Variants in PBX1 observed in about 807,000 individuals in gnomAD.
The protein encoded by PBX1 is PBX homeobox 1.
In PBX1, 6 loss-of-function variants were observed where a neutral mutation model predicts 53.4. The ratio of observed to expected loss-of-function variants is 0.11; its 90% CI spans 0.06 to 0.22. The LOEUF (loss-of-function observed/expected upper bound fraction) is 0.22, where lower values mean the gene tolerates loss of function less well. Ranked by LOEUF, PBX1 falls within the 10% of genes least tolerant of loss-of-function variation. The pLI, the probability that PBX1 is intolerant of heterozygous loss-of-function variation, is 1.00. For synonymous variants in PBX1, 204 were observed against 212.3 expected, an observed-to-expected ratio of 0.96 and a Z score of 0.34; for missense variants, 251 against 551.4, an observed-to-expected ratio of 0.46 and a Z score of 5.46.
At chr1:164,600,297 G>A (rs1656074254) in intron 2 of PBX1, among the ~76,000 whole-genome samples, 1 of 147,366 alleles carries the variant, frequency 6.8e-6, no homozygotes, top group Non-Finnish European at 1.5e-5. Flanking sequence ...TGTCGCCCAG[G>A]CTGGAGTGCA....
chr1:164,763,387 A>T (rs1666905889), intron 2 of PBX1, among the ~76,000 whole-genome samples: 1 of 152,244 alleles, frequency 6.6e-6, no homozygotes, highest in African/African-American at 2.4e-5. Flanking sequence ...CTGTAGACTT[A>T]TTCCTTTTAA....
chr1:164,740,356 T>C (rs1455914920), intron 2 of PBX1, among the ~76,000 whole-genome samples: 2 of 150,794 alleles, frequency 1.3e-5, no homozygotes, highest in African/African-American at 4.9e-5. Flanking sequence ...TAAATTATAG[T>C]ATGGAAAAAA....
intron 2 of PBX1, among the ~76,000 whole-genome samples, chr1:164,631,951 A>G (rs1003246937): frequency 2.0e-5 from 3 of 152,214 alleles, no homozygotes; most frequent in East Asian, 1.9e-4. Context: ...GCAGCACTCA[A>G]TAACACCCCT....
At chr1:164,591,342 G>C (rs1487836189) in intron 2 of PBX1, among the ~76,000 whole-genome samples, 1 of 152,058 alleles carries the variant, frequency 6.6e-6, no homozygotes, top group African/African-American at 2.4e-5. Flanking sequence ...AAAGAGTTCT[G>C]TTCACAAAAA....
At chr1:164,772,495 T>C (rs1422765563) in intron 2 of PBX1, among the ~76,000 whole-genome samples, 3 of 152,212 alleles carry the variant, frequency 2.0e-5, no homozygotes, top group Non-Finnish European at 4.4e-5. Flanking sequence ...AAGTGGCCCA[T>C]TTTACAGATG....
intron 2 of PBX1, among the ~76,000 whole-genome samples, chr1:164,634,960 T>C (rs59738429): frequency 6.6e-6 from 1 of 152,216 alleles, no homozygotes; most frequent in African/African-American, 2.4e-5. Flanking sequence ...CCATGTTGCC[T>C]GCCTGTAGAG....
intron 2 of PBX1, among the ~76,000 whole-genome samples, chr1:164,698,826 A>C (rs1662938558): frequency 6.6e-6 from 1 of 152,294 alleles, no homozygotes; most frequent in South Asian, 2.1e-4. Context: ...TCAAGCATTC[A>C]CTCAGGTAAT....
At chr1:164,731,375 C>T (rs984293179) in intron 2 of PBX1, among the ~76,000 whole-genome samples, 3 of 151,970 alleles carry the variant, frequency 2.0e-5, no homozygotes, top group African/African-American at 4.8e-5. Flanking sequence ...TGATGAGGTC[C>T]CTGCTATTTA....
chr1:164,721,449 G>A (rs756824790), intron 2 of PBX1, among the ~76,000 whole-genome samples: 43 of 151,470 alleles, frequency 2.8e-4, no homozygotes, highest in Non-Finnish European at 5.3e-4. Flanking sequence ...GTGTGTGTGT[G>A]TATTTTCTTA....
At chr1:164,885,331 T>C (rs1448198234) in intron 2 of PBX1, among the ~76,000 whole-genome samples, 1 of 152,174 alleles carries the variant, frequency 6.6e-6, no homozygotes, top group Non-Finnish European at 1.5e-5. Flanking sequence ...GATAAAGTTA[T>C]ACCAAGTCCA....
intron 2 of PBX1, among the ~76,000 whole-genome samples, chr1:164,571,873 G>GTGTGTA (rs1252010429): frequency 3.3e-4 from 10 of 29,898 alleles, no homozygotes; most frequent in Non-Finnish European, 5.4e-4. Context: ...TCTGTACATT[G>GTGTGTA]TATATATATA....
chr1:164,699,973 C>A (rs1036911068), intron 2 of PBX1, among the ~76,000 whole-genome samples: 2 of 152,000 alleles, frequency 1.3e-5, no homozygotes, highest in Non-Finnish European at 2.9e-5. Flanking sequence ...GAAATAGAGG[C>A]GAAGGAGGGG....
At chr1:164,711,761 A>C (rs1571267447) in intron 2 of PBX1, among the ~76,000 whole-genome samples, 1 of 152,200 alleles carries the variant, frequency 6.6e-6, no homozygotes, top group African/African-American at 2.4e-5. Flanking sequence ...ATATGTGTAC[A>C]TGTGGAAGGC....
intron 2 of PBX1, among the ~76,000 whole-genome samples, chr1:164,858,689 A>G (rs1672029482): frequency 6.6e-6 from 1 of 152,204 alleles, no homozygotes; most frequent in African/African-American, 2.4e-5. Context: ...GAATAAATGA[A>G]TGAAGAATTG....
intron 2 of PBX1, among the ~76,000 whole-genome samples, chr1:164,724,917 T>C (rs888906832): frequency 1.3e-5 from 2 of 152,072 alleles, no homozygotes; most frequent in Non-Finnish European, 2.9e-5. Context: ...TGTTTTACAA[T>C]GTACTCTGCA....
intron 2 of PBX1, among the ~76,000 whole-genome samples, chr1:164,571,873 GTATATATATATATA>G (rs59338120): frequency 0.043 from 1,297 of 29,902 alleles, 36 homozygotes; most frequent in East Asian, 0.06. Context: ...TCTGTACATT[GTATATATATATATA>G]TATATATATA....
chr1:164,861,898 A>G (rs879372627), intron 2 of PBX1, among the ~76,000 whole-genome samples: 4 of 152,236 alleles, frequency 2.6e-5, no homozygotes, highest in African/African-American at 7.2e-5. Context: ...TGGCTGGATC[A>G]GAGAAAGTGA....
intron 2 of PBX1, among the ~76,000 whole-genome samples, chr1:164,726,663 A>G (rs1664716539): frequency 6.6e-6 from 1 of 152,232 alleles, no homozygotes; most frequent in African/African-American, 2.4e-5. Flanking sequence ...AATGGTCTTT[A>G]GAAAGTCTTC....
intron 5 of PBX1, among the ~76,000 whole-genome samples, chr1:164,808,294 A>C (rs1250790067): frequency 6.6e-6 from 1 of 152,148 alleles, no homozygotes; most frequent in Non-Finnish European, 1.5e-5. Flanking sequence ...ACATGACATA[A>C]AATTTTTATA....
Sources: allele counts gnomAD v4.1 joint callset (sites outside exome capture counted in the v4.1 genomes callset), GRCh38; gene constraint gnomAD v4.1.1; transcripts MANE v1.5; gene names NCBI Gene and HGNC (gene_info 2026-07-23, HGNC 2026-07-21).